Variants in TIGD5 observed in about 807,000 individuals in gnomAD.
TIGD5 encodes tigger transposable element derived 5, also known as tigger transposable element-derived protein 5.
In TIGD5, 24 loss-of-function variants were observed where a neutral mutation model predicts 28.8. The observed-to-expected ratio is 0.83, with a 90% confidence interval of 0.60 to 1.17. The LOEUF is 1.17. TIGD5 is among the 50% of genes most tolerant of loss of function. The probability of loss-of-function intolerance (pLI) is 0.00; values close to 1 mark genes in which losing one functional copy is unlikely to be tolerated. For synonymous variants in TIGD5, 538 were observed against 430.5 expected (o/e 1.25, Z -3.09); for missense variants, 922 against 911.4 (o/e 1.01, Z -0.15).
chr8:143,601,333 C>T lies in TIGD5; in HGVS notation c.*1501C>T, dbSNP rs764156251. The stretch of plus-strand genomic sequence containing the variant: ...CAGAGCTCAGGGCAGCAGCTCCAGG[C>T]ATGCCTGCTGAGCCCATCAGGCCAC... On this transcript the variant is annotated 3_prime_UTR_variant, in exon 1 of 1. Coordinates refer to ENST00000504548, the MANE Select transcript of TIGD5 (RefSeq NM_032862.5). The T allele has an allele frequency of 3.3e-5, 5 of 152,384 alleles. No individual in the cohort carries two copies. The South Asian group carries it at 8.3e-4, about 25-fold the overall frequency. The allele number at this position is 152,384 out of a possible 1,614,324, so 9.4% of individuals were successfully genotyped here.
rs58573550 is a variant in TIGD5, at chr8:143,599,544, G to A, written c.1641G>A (p.Glu547=). The change falls in exon 1 of 1, where the codon GAG becomes GAA. Residue 547 remains glutamate, a synonymous_variant. Transcript: ENST00000504548. ...DDGGPPEGCR[E]EVGPALPPAA... is the part of the protein sequence containing the mutation. The stretch of plus-strand genomic sequence containing the variant: ...GGGGTCCGCCCGAGGGCTGCAGGGA[G>A]GAGGTGGGCCCAGCCCTGCCCCCTG... The A allele has an allele frequency of 0.072, 113,708 of 1,575,960 alleles. 4,607 individuals carry two copies. The highest frequency in any genetic ancestry group is 0.14 in the East Asian group (6,190 of 43,004).
At position 143,599,988 on chromosome 8, in the gene TIGD5, T is replaced by G. The variant is rs1587278949; in HGVS notation, c.*156T>G. On this transcript the variant is annotated 3_prime_UTR_variant, in exon 1 of 1. Coordinates refer to ENST00000504548, the MANE Select transcript of TIGD5 (RefSeq NM_032862.5). ...CCAGCATGGCTTGGAGGAGCTCTGT[T>G]GGTGAGAGGTCGCCCTGCCTCACTG... 1.2e-6 allele frequency: 1 copy of G among 835,740 alleles called. No homozygotes were observed. The highest frequency in any genetic ancestry group is 3.2e-5 in the East Asian group (1 of 30,858). The allele number at this position is 835,740 out of a possible 1,614,324, so 51.8% of individuals were successfully genotyped here.
At position 143,598,669 on chromosome 8, in the gene TIGD5, C is replaced by A; in HGVS notation, c.766C>A (p.Pro256Thr). Residue 256 changes from proline to threonine, a missense_variant, in exon 1 of 1, where the codon CCG becomes ACG. Pro to Thr is a conservative substitution (Grantham distance 38). Coordinates refer to ENST00000504548, the MANE Select transcript of TIGD5 (RefSeq NM_032862.5). The surrounding 1 kb of genome is among the most constrained non-coding windows in gnomAD (Gnocchi z 6.6). The stretch of plus-strand genomic sequence containing the variant: ...GCTGCTTCCGGAGCAGGCTGCGCCC[C>A]CGGGCGCAGGGGACCCCGGGGCGGG... ...WKLLPEQAAP[P>T]GAGDPGAGGC... 1 of 1,500,918 alleles carries A rather than the reference C, an allele frequency of 6.7e-7. No homozygotes were observed. The highest frequency in any genetic ancestry group is 8.8e-7 in the Non-Finnish European group (1 of 1,135,974). 93.0% of individuals were successfully genotyped at this position (1,500,918 alleles called of 1,614,324 possible).
In TIGD5 at chr8:143,598,419, C is replaced by A; in HGVS notation, c.516C>A (p.Phe172Leu). Residue 172 changes from phenylalanine (F) to leucine (L), a missense_variant, in exon 1 of 1, where the codon TTC becomes TTA. By Grantham distance (22) the Phe-to-Leu change is conservative. Transcript: ENST00000504548. This position sits in a 1 kb window ranked among gnomAD's most constrained non-coding sequence, Gnocchi z 6.6. Reference sequence around the variant, plus strand: ...CCTTCAAGGCCAGCCACGGCTGGTTCTGGCGCTGGCAGAAGCGCCACGGCA... The same window carrying A: ...CCTTCAAGGCCAGCCACGGCTGGTTATGGCGCTGGCAGAAGCGCCACGGCA... The part of the protein sequence containing the change: ...ECTFKASHGW[F>L]WRWQKRHGIS... 6.6e-7 allele frequency: 1 copy of A among 1,509,012 alleles called. No individual in the cohort carries two copies. Among genetic ancestry groups the A allele is most frequent in the South Asian group, 1.2e-5 (1 of 83,012 alleles). 93.5% of individuals were successfully genotyped at this position (1,509,012 alleles called of 1,614,324 possible).
chr8:143,598,509 C>A lies in TIGD5; in HGVS notation c.606C>A (p.Pro202=). Residue 202 remains proline (P), a synonymous_variant, in exon 1 of 1, where the codon CCC becomes CCA. Transcript: ENST00000504548. The surrounding 1 kb of genome is among the most constrained non-coding windows in gnomAD (Gnocchi z 6.6). ...PPAPSPAPGP[P]VKEEPALPSG... is the part of the protein sequence containing the mutation. ...CCCCGAGCCCCGCGCCCGGCCCGCCCGTCAAGGAGGAGCCCGCGCTGCCCT... is the reference window on the plus strand; with the variant it reads ...CCCCGAGCCCCGCGCCCGGCCCGCCAGTCAAGGAGGAGCCCGCGCTGCCCT... 7.3e-7 allele frequency: 1 copy of A among 1,364,780 alleles called. No individual in the cohort carries two copies. Among genetic ancestry groups the A allele is most frequent in the Non-Finnish European group, 9.4e-7 (1 of 1,065,214 alleles). The allele number at this position is 1,364,780 out of a possible 1,614,324, so 84.5% of individuals were successfully genotyped here.
At position 143,601,210 on chromosome 8, in the gene TIGD5, A is replaced by G. The variant is rs982275799; in HGVS notation, c.*1378A>G. ...AGTTCCTTGGAACTGCCCGCAAGTG[A>G]AGAAATATATACATATATATGTATA... On this transcript the variant is annotated 3_prime_UTR_variant, in exon 1 of 1. Transcript: ENST00000504548. 2 of 152,324 alleles carry G rather than the reference A, an allele frequency of 1.3e-5. No individual in the cohort carries two copies. The highest frequency in any genetic ancestry group is 4.8e-5 in the African/African-American group (2 of 41,570). 9.4% of individuals were successfully genotyped at this position (152,324 alleles called of 1,614,324 possible). A position where few individuals can be genotyped will look rare whatever the true frequency, so the allele number is the denominator to read the frequency against.
Position 143,599,645 on chromosome 8 carries a change from G to A in TIGD5, c.1742G>A (p.Gly581Glu). ...GACGAGGAGGAGGCCACCGACTATG[G>A]AGGGACCTCAGTGCCGACTGCCGGG... ...GEDEEEATDY[G>E]GTSVPTAGEA... The change falls in exon 1 of 1, where the codon GGA becomes GAA. Residue 581 changes from glycine to glutamate, a missense_variant. Physicochemically the swap from Gly to Glu is moderately conservative, Grantham distance 98. Coordinates refer to ENST00000504548, the MANE Select transcript of TIGD5 (RefSeq NM_032862.5). 2.0e-6 allele frequency: 3 copies of A among 1,523,028 alleles called. No individual in the cohort carries two copies. The highest frequency in any genetic ancestry group is 2.6e-6 in the Non-Finnish European group (3 of 1,138,280). The allele number at this position is 1,523,028 out of a possible 1,614,324, so 94.3% of individuals were successfully genotyped here.
At position 143,599,124 on chromosome 8, in the gene TIGD5, C is replaced by T. The variant is rs774505133; in HGVS notation, c.1221C>T (p.Gly407=). 9 of 1,590,106 alleles carry T rather than the reference C, an allele frequency of 5.7e-6. No homozygotes were observed. The South Asian group carries it at 6.8e-5, about 12-fold the overall frequency. ...GAVRVLFLSK[G]SSRAHIPAPL... ...TGCGGGTGCTGTTCCTGTCCAAAGG[C>T]AGCAGCCGGGCACATATCCCCGCAC... The change falls in exon 1 of 1, where the codon GGC becomes GGT. Residue 407 remains glycine (G), a synonymous_variant. Coordinates refer to ENST00000504548, the MANE Select transcript of TIGD5 (RefSeq NM_032862.5).
At position 143,598,263 on chromosome 8, in the gene TIGD5, CGAG is replaced by C. The variant is rs747691839; in HGVS notation, c.367_369del (p.Glu123del). ...AGCGCAAGAAGATGCGGCTGGCCAACGAGGAGGAGATCGACCGCGCCGTGTACG... is the reference window on the plus strand; with the variant it reads ...AGCGCAAGAAGATGCGGCTGGCCAACGAGGAGATCGACCGCGCCGTGTACG... On this transcript the variant is annotated inframe_deletion, in exon 1 of 1. Transcript: ENST00000504548. This position sits in a 1 kb window ranked among gnomAD's most constrained non-coding sequence, Gnocchi z 6.6. 5 of 1,609,962 alleles carry C rather than the reference CGAG, an allele frequency of 3.1e-6. No homozygotes were observed. Among genetic ancestry groups the C allele is most frequent in the South Asian group, 2.2e-5 (2 of 90,908 alleles).
At position 143,599,549 on chromosome 8, in the gene TIGD5, T is replaced by A. The variant is rs1829222428; in HGVS notation, c.1646T>A (p.Val549Glu). Residue 549 changes from valine (V) to glutamate (E), a missense_variant, in exon 1 of 1, where the codon GTG becomes GAG. Coordinates refer to ENST00000504548, the MANE Select transcript of TIGD5 (RefSeq NM_032862.5). The stretch of plus-strand genomic sequence containing the variant: ...CCGCCCGAGGGCTGCAGGGAGGAGG[T>A]GGGCCCAGCCCTGCCCCCTGCAGCG... ...GGPPEGCREEVGPALPPAAPP... is the reference protein window; with the variant it reads ...GGPPEGCREEEGPALPPAAPP... The A allele has an allele frequency of 1.0e-5, 16 of 1,572,870 alleles. No individual in the cohort carries two copies. The highest frequency in any genetic ancestry group is 1.4e-5 in the Non-Finnish European group (16 of 1,161,222).
Position 143,599,191 on chromosome 8 carries a change from A to T in TIGD5, c.1288A>T (p.Lys430Ter). 6.2e-7 allele frequency: 1 copy of T among 1,611,046 alleles called. No homozygotes were observed. Among genetic ancestry groups the T allele is most frequent in the East Asian group, 2.2e-5 (1 of 44,862 alleles). ...GVVAAFKQLYKRELLRLAVSC... is the reference protein window; with the variant it reads ...GVVAAFKQLY ...GGTGGCCGCCTTCAAACAGCTGTAC[A>T]AGCGCGAGCTGCTGCGACTGGCTGT... The change falls in exon 1 of 1, where the codon AAG becomes TAG. Residue 430 changes from lysine to a stop codon, truncating the protein, a stop_gained. Coordinates refer to ENST00000504548, the MANE Select transcript of TIGD5 (RefSeq NM_032862.5). LOFTEE classifies it high-confidence loss of function.
Position 143,597,866 on chromosome 8 carries a change from C to T in TIGD5, c.-38C>T. 3 of 720,456 alleles carry T rather than the reference C, an allele frequency of 4.2e-6. No individual in the cohort carries two copies. Among genetic ancestry groups the T allele is most frequent in the Non-Finnish European group, 5.1e-6 (3 of 590,420 alleles). 44.6% of individuals were successfully genotyped at this position (720,456 alleles called of 1,614,324 possible). ...CCCCGAGCGGCTGGGCGTGTGGCTC[C>T]CGCGACCCGCGCGGCCCGGGTCCCC... On this transcript the variant is annotated 5_prime_UTR_variant, in exon 1 of 1. Transcript: ENST00000504548.
chr8:143,597,898 G>T lies in TIGD5; in HGVS notation c.-6G>T. The stretch of plus-strand genomic sequence containing the variant: ...CCGCGCGGCCCGGGTCCCCCCCGCC[G>T]CAGCCATGTACCCCGCGGGCCCCCC... On this transcript the variant is annotated 5_prime_UTR_variant, in exon 1 of 1. Coordinates refer to ENST00000504548, the MANE Select transcript of TIGD5 (RefSeq NM_032862.5). 11 of 852,226 alleles carry T rather than the reference G, an allele frequency of 1.3e-5. No individual in the cohort carries two copies. Among genetic ancestry groups the T allele is most frequent in the Non-Finnish European group, 1.5e-5 (11 of 713,602 alleles). 52.8% of individuals were successfully genotyped at this position (852,226 alleles called of 1,614,324 possible). A position where few individuals can be genotyped will look rare whatever the true frequency, so the allele number is the denominator to read the frequency against.
rs1336326155 is a variant in TIGD5 at position 143,601,004 on chromosome 8, C to T, written c.*1172C>T. The T allele has an allele frequency of 6.5e-6, 1 of 152,936 alleles. No individual in the cohort carries two copies. The highest frequency in any genetic ancestry group is 1.5e-5 in the Non-Finnish European group (1 of 68,674). 9.5% of individuals were successfully genotyped at this position (152,936 alleles called of 1,614,324 possible). A position where few individuals can be genotyped will look rare whatever the true frequency, so the allele number is the denominator to read the frequency against. ...CCTGCTTGCCTCCAGGTGTTGACCC[C>T]TCGTCCCCATCTGCCCCCAGTGTCC... On this transcript the variant is annotated 3_prime_UTR_variant, in exon 1 of 1. Coordinates refer to ENST00000504548, the MANE Select transcript of TIGD5 (RefSeq NM_032862.5).
chr8:143,599,095 G>T lies in TIGD5; in HGVS notation c.1192G>T (p.Ala398Ser). The stretch of plus-strand genomic sequence containing the variant: ...GGAGGAGCTGCAGACACCGGATGGC[G>T]CTGTGCGGGTGCTGTTCCTGTCCAA... ...PPEELQTPDGAVRVLFLSKGS... is the reference protein window; with the variant it reads ...PPEELQTPDGSVRVLFLSKGS... The change falls in exon 1 of 1, where the codon GCT (alanine) becomes TCT (serine). Residue 398 changes from alanine to serine, a missense_variant. Coordinates refer to ENST00000504548, the MANE Select transcript of TIGD5 (RefSeq NM_032862.5). The T allele has an allele frequency of 1.3e-6, 2 of 1,579,224 alleles. No homozygotes were observed. The highest frequency in any genetic ancestry group is 1.7e-6 in the Non-Finnish European group (2 of 1,164,582).
Position 143,600,086 on chromosome 8 carries a change from ACAAGG to A in TIGD5, c.*257_*261del. ...CAGGGCAGGCACATGTACGGGGCAT[ACAAGG>A]CACAGCGCCTGTTGGAACAGGTGGC... is the stretch of plus-strand genomic sequence containing the variant. On this transcript the variant is annotated 3_prime_UTR_variant, in exon 1 of 1. Transcript: ENST00000504548. The A allele has an allele frequency of 2.5e-6, 1 of 402,626 alleles. No individual in the cohort carries two copies. The highest frequency in any genetic ancestry group is 4.4e-6 in the Non-Finnish European group (1 of 229,482). The allele number at this position is 402,626 out of a possible 1,614,324, so 24.9% of individuals were successfully genotyped here.
Position 143,599,784 on chromosome 8 carries a change from G to T in TIGD5, c.1881G>T (p.Arg627Ser), listed in dbSNP as rs776894222. 10 of 1,485,678 alleles carry T rather than the reference G, an allele frequency of 6.7e-6. No homozygotes were observed. In the South Asian group the frequency reaches 1.1e-4, roughly 16 times the overall value. 92.0% of individuals were successfully genotyped at this position (1,485,678 alleles called of 1,614,324 possible). Reference sequence around the variant, plus strand: ...GCTCACTCATCAGCATGGCCCGGAGGCTGGGGGGCATCGGGCATACCCCAG... The same window carrying T: ...GCTCACTCATCAGCATGGCCCGGAGTCTGGGGGGCATCGGGCATACCCCAG... ...QLRSLISMAR[R>S]LGGIGHTPAG... The change falls in exon 1 of 1, where the codon AGG becomes AGT. Residue 627 changes from arginine to serine, a missense_variant. Physicochemically the swap from Arg to Ser is moderately radical, Grantham distance 110. This residue lies in a region of TIGD5 where 821 missense variants were observed against 815.2 expected (regional missense o/e 1.01). Coordinates refer to ENST00000504548, the MANE Select transcript of TIGD5 (RefSeq NM_032862.5).
chr8:143,598,419 C>G lies in TIGD5; in HGVS notation c.516C>G (p.Phe172Leu), dbSNP rs768333451. Residue 172 changes from phenylalanine (F) to leucine (L), a missense_variant, in exon 1 of 1, where the codon TTC becomes TTG. By Grantham distance (22) the Phe-to-Leu change is conservative (BLOSUM62 0). Transcript: ENST00000504548. The surrounding 1 kb of genome is among the most constrained non-coding windows in gnomAD (Gnocchi z 6.6). Reference sequence around the variant, plus strand: ...CCTTCAAGGCCAGCCACGGCTGGTTCTGGCGCTGGCAGAAGCGCCACGGCA... The same window carrying G: ...CCTTCAAGGCCAGCCACGGCTGGTTGTGGCGCTGGCAGAAGCGCCACGGCA... ...ECTFKASHGW[F>L]WRWQKRHGIS... 1 of 1,509,012 alleles carries G rather than the reference C, an allele frequency of 6.6e-7. No individual in the cohort carries two copies. Among genetic ancestry groups the G allele is most frequent in the South Asian group, 1.2e-5 (1 of 83,012 alleles). The allele number at this position is 1,509,012 out of a possible 1,614,324, so 93.5% of individuals were successfully genotyped here.
Position 143,598,561 on chromosome 8 carries a change from G to GCCCCGGCCCCGCCGC in TIGD5, c.667_681dup (p.Pro223_Ala227dup). The GCCCCGGCCCCGCCGC allele has an allele frequency of 7.6e-7, 1 of 1,313,118 alleles. No homozygotes were observed. 81.3% of individuals were successfully genotyped at this position (1,313,118 alleles called of 1,614,324 possible). Reference sequence around the variant, plus strand: ...CGGCGCCGGCCCCCTGCCCGACCGCGCCCCGGCCCCGCCGCCCCCGGCCGA... The same window carrying GCCCCGGCCCCGCCGC: ...CGGCGCCGGCCCCCTGCCCGACCGCGCCCCGGCCCCGCCGCCCCCGGCCCCGCCGCCCCCGGCCGA... On this transcript the variant is annotated inframe_insertion, in exon 1 of 1. Transcript: ENST00000504548. This position sits in a 1 kb window ranked among gnomAD's most constrained non-coding sequence, Gnocchi z 6.6.
Sources: gnomAD v4.1 joint callset for allele counts on GRCh38, gnomAD v4.1.1 for gene constraint, gnomAD v4.1.1 regional missense constraint, Gnocchi (gnomAD v3.1) non-coding constraint, MANE v1.5 for transcripts, NCBI Gene and HGNC (gene_info 2026-07-23, HGNC 2026-07-21) for gene names.